FAM83B: variants seen among roughly 807,000 people sequenced by gnomAD.
The protein encoded by FAM83B is protein FAM83B.
A neutral mutation model predicts 38.8 loss-of-function variants in FAM83B; 26 were observed. That is an observed-to-expected ratio of 0.67 (90% CI 0.49 to 0.93). The LOEUF is 0.93. FAM83B is among the 40% of genes least tolerant of loss of function. The probability of loss-of-function intolerance (pLI) is 0.00; values close to 1 mark genes in which losing one functional copy is unlikely to be tolerated. For missense variants in FAM83B, 1,237 were observed against 1,197.3 expected (o/e 1.03, Z -0.49); for synonymous variants, 419 against 423.1 (o/e 0.99, Z 0.12).
rs1185464775 is a variant in FAM83B at position 54,920,925 on chromosome 6, CAT to C, written c.445-5443_445-5442del. ...CTCCAGACCAAATGTAATAATGAAT[CAT>C]ATTTTCAAGATCTTTCATAATCTGT... On this transcript the variant is annotated intron_variant, in intron 2 of 4. Transcript: ENST00000306858. 2.6e-5 allele frequency among the ~76,000 whole-genome samples: 4 copies of C among 151,994 alleles called. No homozygotes were observed. In the East Asian group the frequency reaches 7.7e-4, roughly 29 times the overall value.
At position 54,941,181 on chromosome 6, in the gene FAM83B, C is replaced by T. The variant is rs780539201; in HGVS notation, c.2210C>T (p.Ser737Leu). ...TCTCCAAGTGGCACTACTACCAAAT[C>T]AGTTTCCATTGCTGCTTTACTTGAT... Reference protein sequence around the residue: ...RNSPSGTTTKSVSIAALLDVN... With the variant: ...RNSPSGTTTKLVSIAALLDVN... Residue 737 changes from serine (S) to leucine (L), a missense_variant, in exon 5 of 5, where the codon TCA becomes TTA. Coordinates refer to ENST00000306858, the MANE Select transcript of FAM83B (RefSeq NM_001010872.3). 1.2e-6 allele frequency: 2 copies of T among 1,614,046 alleles called. No homozygotes were observed. Among genetic ancestry groups the T allele is most frequent in the Admixed American group, 3.3e-5 (2 of 59,986 alleles).
chr6:54,878,409 T>C (rs1346679088), intron 2 of FAM83B, among the ~76,000 whole-genome samples: 1 of 152,070 alleles, frequency 6.6e-6, no homozygotes, highest in African/African-American at 2.4e-5. Flanking sequence ...AACACAAATA[T>C]GGTTGAGTAA....
At chr6:54,869,538 T>G (rs1054788181) in intron 1 of FAM83B, among the ~76,000 whole-genome samples, 6 of 152,154 alleles carry the variant, frequency 3.9e-5, no homozygotes, top group Non-Finnish European at 8.8e-5. Flanking sequence ...TCATATCTCT[T>G]CCGTGATTTT....
chr6:54,868,349 A>T (rs761657182), intron 1 of FAM83B, among the ~76,000 whole-genome samples: 6 of 152,152 alleles, frequency 3.9e-5, no homozygotes, highest in Non-Finnish European at 7.4e-5. Flanking sequence ...CTATTTAAAA[A>T]TGTCTCCAGA....
Position 54,940,052 on chromosome 6 carries a change from C to T in FAM83B, c.1081C>T (p.His361Tyr). Residue 361 changes from histidine (H) to tyrosine (Y), a missense_variant, in exon 5 of 5, where the codon CAT becomes TAT. Coordinates refer to ENST00000306858, the MANE Select transcript of FAM83B (RefSeq NM_001010872.3). ...CATAAGAAGTCACGGATACAAACCT[C>T]ATTTTGTTCCTAACTTTAATGGTCC... is the stretch of plus-strand genomic sequence containing the variant. Reference protein sequence around the residue: ...YNIRSHGYKPHFVPNFNGPNA... With the variant: ...YNIRSHGYKPYFVPNFNGPNA... The T allele has an allele frequency of 6.2e-7, 1 of 1,614,006 alleles. No homozygotes were observed. The highest frequency in any genetic ancestry group is 8.5e-7 in the Non-Finnish European group (1 of 1,179,978).
At chr6:54,868,318 C>G (rs908457576) in intron 1 of FAM83B, among the ~76,000 whole-genome samples, 1 of 151,984 alleles carries the variant, frequency 6.6e-6, no homozygotes, top group East Asian at 1.9e-4. Flanking sequence ...ATGCTAGTAG[C>G]CCTCCTCCGC....
intron 2 of FAM83B, among the ~76,000 whole-genome samples, chr6:54,907,337 G>T: frequency 6.6e-6 from 1 of 152,080 alleles, no homozygotes; most frequent in Middle Eastern, 3.4e-3. Flanking sequence ...TGATTTAGAA[G>T]TATTACCGTG....
At chr6:54,857,864 A>G (rs1365619010) in intron 1 of FAM83B, among the ~76,000 whole-genome samples, 1 of 152,236 alleles carries the variant, frequency 6.6e-6, no homozygotes, top group Admixed American at 6.5e-5. Flanking sequence ...CCTCTCAGAG[A>G]AGGTGGCATA....
intron 1 of FAM83B, among the ~76,000 whole-genome samples, chr6:54,865,973 A>C (rs199664811): frequency 3.0e-4 from 1 of 3,282 alleles, no homozygotes; most frequent in Non-Finnish European, 2.7e-3. Context: ...TAGTCATAAT[A>C]ATAATAATAA....
chr6:54,880,195 A>T (rs567556014), intron 2 of FAM83B, among the ~76,000 whole-genome samples: 2 of 152,210 alleles, frequency 1.3e-5, no homozygotes, highest in Non-Finnish European at 2.9e-5. Context: ...TATTTGAGGG[A>T]TATGGTAAAA....
intron 1 of FAM83B, among the ~76,000 whole-genome samples, chr6:54,862,828 G>A (rs1771616161): frequency 6.6e-6 from 1 of 151,384 alleles, no homozygotes; most frequent in Non-Finnish European, 1.5e-5. Flanking sequence ...AGGTTGCAGT[G>A]AGCCGAGATC....
intron 2 of FAM83B, among the ~76,000 whole-genome samples, chr6:54,924,292 A>G (rs1480977169): frequency 6.6e-6 from 1 of 151,968 alleles, no homozygotes; most frequent in Non-Finnish European, 1.5e-5. Flanking sequence ...CATGTTGTAC[A>G]TGATGATTAC....
At chr6:54,911,299 A>T (rs1772904685) in intron 2 of FAM83B, among the ~76,000 whole-genome samples, 1 of 151,610 alleles carries the variant, frequency 6.6e-6, no homozygotes, top group African/African-American at 2.4e-5. Context: ...AGTTTGAGTT[A>T]AAGAAAAAAA....
At position 54,940,538 on chromosome 6, in the gene FAM83B, TATG is replaced by T; in HGVS notation, c.1570_1572del (p.Asp524del). ...AGCTTTAGGTGACCGATTTGAGGGC[TATG>T]ATAATCCTGAGAATTTGAAGGCCAA... is the stretch of plus-strand genomic sequence containing the variant. On this transcript the variant is annotated inframe_deletion, in exon 5 of 5. Coordinates refer to ENST00000306858, the MANE Select transcript of FAM83B (RefSeq NM_001010872.3). 1.2e-6 allele frequency: 2 copies of T among 1,614,090 alleles called. No homozygotes were observed. Among genetic ancestry groups the T allele is most frequent in the Non-Finnish European group, 1.7e-6 (2 of 1,180,012 alleles).
rs755641603 is a variant in FAM83B at position 54,941,364 on chromosome 6, A to G, written c.2393A>G (p.Tyr798Cys). The change falls in exon 5 of 5, where the codon TAT becomes TGT. Residue 798 changes from tyrosine to cysteine, a missense_variant. Physicochemically the swap from Tyr to Cys is radical, Grantham distance 194. Transcript: ENST00000306858. ...TCCAAAAATAAAGCACCTGCCTTTT[A>G]TAGATTGTGTAGTAGCTCTGACACA... Reference protein sequence around the residue: ...NLSKNKAPAFYRLCSSSDTLV... With the variant: ...NLSKNKAPAFCRLCSSSDTLV... 7.4e-6 allele frequency: 12 copies of G among 1,613,472 alleles called. No individual in the cohort carries two copies. The East Asian group carries it at 2.7e-4, about 36-fold the overall frequency.
At chr6:54,917,476 T>A (rs9296771) in intron 2 of FAM83B, among the ~76,000 whole-genome samples, 46,807 of 151,982 alleles carry the variant, frequency 0.31, 8,810 homozygotes, top group East Asian at 0.8. Context: ...AATAATTTAA[T>A]CATTTCTCAC....
At chr6:54,862,692 C>T (rs1334351493) in intron 1 of FAM83B, among the ~76,000 whole-genome samples, 1 of 151,990 alleles carries the variant, frequency 6.6e-6, no homozygotes, top group Admixed American at 6.5e-5. Flanking sequence ...GCCTGGGCAA[C>T]ATGGTGAAAC....
intron 2 of FAM83B, among the ~76,000 whole-genome samples, 161 bp from the exon 3 acceptor site, chr6:54,926,210 G>T (rs922609649): frequency 1.3e-5 from 2 of 151,934 alleles, no homozygotes. Flanking sequence ...TTTTAATATG[G>T]TTTTATCTTC....
At chr6:54,878,574 C>T (rs999312780) in intron 2 of FAM83B, among the ~76,000 whole-genome samples, 3 of 152,086 alleles carry the variant, frequency 2.0e-5, no homozygotes, top group African/African-American at 7.2e-5. Context: ...ATAGGGGAAG[C>T]TTTCTTGTTT....
Sources: gnomAD v4.1 joint callset for allele counts (sites outside exome capture counted in the v4.1 genomes callset) on GRCh38, gnomAD v4.1.1 for gene constraint, MANE v1.5 for transcripts, NCBI Gene and HGNC (gene_info 2026-07-23, HGNC 2026-07-21) for gene names.